PPP6R2: variants seen among roughly 807,000 people sequenced by gnomAD.
PPP6R2 encodes the protein serine/threonine-protein phosphatase 6 regulatory subunit 2.
PPP6R2 carries 62 observed loss-of-function variants against 100.2 expected under a neutral mutation model. The ratio of observed to expected loss-of-function variants is 0.62; its 90% CI spans 0.50 to 0.76. The LOEUF is 0.76. PPP6R2 is among the 30% of genes least tolerant of loss of function. PPP6R2 has a pLI of 0.00. For missense variants in PPP6R2, 1,142 were observed against 1,276.3 expected, an observed-to-expected ratio of 0.89 and a Z score of 1.60; for synonymous variants, 525 against 514.7, an observed-to-expected ratio of 1.02 and a Z score of -0.27.
chr22:50,376,955 A>G (rs995036665), intron 2 of PPP6R2, among the ~76,000 whole-genome samples: 1 of 152,116 alleles, frequency 6.6e-6, no homozygotes, highest in African/African-American at 2.4e-5. Flanking sequence ...TGAACCCAGG[A>G]GGCGGAGCTT....
intron 22 of PPP6R2, among the ~76,000 whole-genome samples, chr22:50,441,679 C>T (rs375004858): frequency 0.034 from 5,245 of 152,202 alleles, 139 homozygotes; most frequent in African/African-American, 0.071. Context: ...CAAGAGCCAT[C>T]CCTGGGGAGA....
intron 2 of PPP6R2, among the ~76,000 whole-genome samples, chr22:50,377,318 G>C (rs892402036): frequency 6.6e-6 from 1 of 152,082 alleles, no homozygotes; most frequent in Non-Finnish European, 1.5e-5. Context: ...AGCCAGGCGT[G>C]GTGGTGCACA....
chr22:50,401,625 C>T (rs1481223128), intron 3 of PPP6R2, among the ~76,000 whole-genome samples: 2 of 151,402 alleles, frequency 1.3e-5, no homozygotes, highest in Non-Finnish European at 2.9e-5. Context: ...CATTCTCCCG[C>T]CTCAGCCTCC....
intron 19 of PPP6R2, 73 bp downstream of exon 19, chr22:50,438,835 G>A (rs1376081914): frequency 3.2e-5 from 45 of 1,428,460 alleles, no homozygotes; most frequent in South Asian, 3.0e-4. Context: ...TGGGTGTTGT[G>A]GAGGCTTCAT....
chr22:50,440,669 T>C lies in PPP6R2; in HGVS notation c.2375-153T>C, dbSNP rs1338744075. On this transcript the variant is annotated intron_variant, in intron 21 of 23. Transcript: ENST00000612753. ...ACCCCATGGCAGGTGCGTGAGCCTGTCTGCCTCATCATGCGGCTCCCACAC... is the reference window on the plus strand; with the variant it reads ...ACCCCATGGCAGGTGCGTGAGCCTGCCTGCCTCATCATGCGGCTCCCACAC... The C allele has an allele frequency of 8.4e-6, 7 of 834,944 alleles. 1 individual carries two copies. The highest frequency in any genetic ancestry group is 4.5e-5 in the Admixed American group (2 of 44,848). The allele number at this position is 834,944 out of a possible 1,614,324, so 51.7% of individuals were successfully genotyped here. A position where few individuals can be genotyped will look rare whatever the true frequency, so the allele number is the denominator to read the frequency against.
chr22:50,410,469 CTTTTTTTTTTTTT>C (rs200178930), intron 4 of PPP6R2, among the ~76,000 whole-genome samples: 14,983 of 104,870 alleles, frequency 0.14, 1,402 homozygotes, highest in East Asian at 0.45. Context: ...TGAGTGGTGT[CTTTTTTTTTTTTT>C]TTTTTTTTTT....
chr22:50,362,255 T>A (rs1305698057), intron 1 of PPP6R2, among the ~76,000 whole-genome samples: 2 of 152,118 alleles, frequency 1.3e-5, no homozygotes, highest in Non-Finnish European at 2.9e-5. Context: ...AGATGGAGGT[T>A]TTCAGTTTTC....
rs1048335977 is a variant in PPP6R2 at position 50,442,891 on chromosome 22, A to G, written c.2580-975A>G. The stretch of plus-strand genomic sequence containing the variant: ...CTTAACAGTCTTTACCCTGCCAGGC[A>G]CAGTGGCTCACGCCTGTAATCCCAG... On this transcript the variant is annotated intron_variant, in intron 22 of 23. Transcript: ENST00000612753. Among the ~76,000 whole-genome samples the G allele has an allele frequency of 7.4e-5, 11 of 148,032 alleles. No individual in the cohort carries two copies. The South Asian group carries it at 1.4e-3, about 19-fold the overall frequency.
chr22:50,366,429 C>G (rs1265106216), intron 1 of PPP6R2, among the ~76,000 whole-genome samples: 1 of 151,786 alleles, frequency 6.6e-6, no homozygotes, highest in African/African-American at 2.4e-5. Flanking sequence ...TCAGCCTCCC[C>G]AGTAGCTGGG....
At chr22:50,384,562 G>C (rs1240096163) in intron 2 of PPP6R2, among the ~76,000 whole-genome samples, 3 of 152,028 alleles carry the variant, frequency 2.0e-5, no homozygotes, top group African/African-American at 4.8e-5. Flanking sequence ...CTCAAAAAAA[G>C]AAAAGAAAAG....
the PPP6R2 span, among the ~76,000 whole-genome samples, chr22:50,332,165 A>G: frequency 6.6e-6 from 1 of 152,078 alleles, no homozygotes; most frequent in Non-Finnish European, 1.5e-5. Flanking sequence ...TTTTGGTGTC[A>G]TATCTAAGAA....
chr22:50,415,886 C>G (rs1185735926), intron 5 of PPP6R2, among the ~76,000 whole-genome samples: 1 of 152,154 alleles, frequency 6.6e-6, no homozygotes, highest in Non-Finnish European at 1.5e-5. Flanking sequence ...GGATGGTGGT[C>G]ATCCTTTATC....
upstream of PPP6R2, among the ~76,000 whole-genome samples, chr22:50,339,770 GGTATGTGGTGT>G (rs2042349182): frequency 8.2e-6 from 1 of 122,434 alleles, no homozygotes; most frequent in Non-Finnish European, 1.6e-5. Flanking sequence ...TGGTGTGTGT[GGTATGTGGTGT>G]GTGTGTGGTG....
chr22:50,374,478 CT>C (rs1334904718), intron 2 of PPP6R2, among the ~76,000 whole-genome samples: 2 of 152,096 alleles, frequency 1.3e-5, no homozygotes, highest in African/African-American at 4.8e-5. Context: ...AAATATGTAG[CT>C]GGAATTCTAG....
upstream of PPP6R2, among the ~76,000 whole-genome samples, chr22:50,340,742 C>G (rs2042363148): frequency 6.6e-6 from 1 of 151,726 alleles, no homozygotes; most frequent in Non-Finnish European, 1.5e-5. Flanking sequence ...GATGCAGGGA[C>G]AGCAGCAGCC....
intron 1 of PPP6R2, among the ~76,000 whole-genome samples, chr22:50,370,350 C>T (rs182606385): frequency 6.7e-4 from 102 of 151,398 alleles, no homozygotes; most frequent in African/African-American, 1.6e-3. Flanking sequence ...TGCAATGGCG[C>T]GATCTCGGCT....
intron 3 of PPP6R2, among the ~76,000 whole-genome samples, chr22:50,400,230 G>C (rs1408325871): frequency 6.6e-6 from 1 of 152,184 alleles, no homozygotes; most frequent in Non-Finnish European, 1.5e-5. Flanking sequence ...AGGGAACTTT[G>C]CCATAACAGT....
At chr22:50,347,614 G>T (rs1366533932) in intron 1 of PPP6R2, among the ~76,000 whole-genome samples, 1 of 151,894 alleles carries the variant, frequency 6.6e-6, no homozygotes, top group Non-Finnish European at 1.5e-5. Context: ...CCAATTTGCT[G>T]CTCATTCCCT....
intron 14 of PPP6R2, 110 bp downstream of exon 14, chr22:50,436,562 G>A (rs1179489760): frequency 5.1e-5 from 54 of 1,056,790 alleles, no homozygotes; most frequent in Middle Eastern, 2.9e-4. Context: ...AGGGCCGCAC[G>A]CCTGCCTGCT....
Sources: allele counts gnomAD v4.1 joint callset (sites outside exome capture counted in the v4.1 genomes callset), GRCh38; gene constraint gnomAD v4.1.1; transcripts MANE v1.5; gene names NCBI Gene and HGNC (gene_info 2026-07-23, HGNC 2026-07-21).